The following PUDP variants were observed in gnomAD, a reference collection of about 807,000 sequenced individuals.
The protein encoded by PUDP is pseudouridine-5'-phosphatase.
In PUDP, 8 loss-of-function variants were observed where a neutral mutation model predicts 9.4. The observed-to-expected ratio is 0.85, with a 90% CI of 0.50 to 1.53. The LOEUF (loss-of-function observed/expected upper bound fraction) is 1.53. Among genes scored for constraint, PUDP ranks in the 40% most tolerant of loss-of-function variants. The pLI is 0.00. For synonymous variants in PUDP, 99 were observed against 80.7 expected, an observed-to-expected ratio of 1.23 and a Z score of -1.22; for missense variants, 188 against 189.7, an observed-to-expected ratio of 0.99 and a Z score of 0.05.
chrX:7,125,675 C>CT (rs1243968968), intron 1 of PUDP, among the ~76,000 whole-genome samples: 1 of 111,876 alleles, frequency 8.9e-6, no homozygotes, highest in African/African-American at 3.2e-5. Flanking sequence ...GAAAAAGAGG[C>CT]TTAATGGACT....
At chrX:6,950,252 C>T (rs1273133486) in intron 3 of PUDP, among the ~76,000 whole-genome samples, 2 of 99,616 alleles carry the variant, frequency 2.0e-5, no homozygotes, top group Non-Finnish European at 4.0e-5. Flanking sequence ...GCAGGAGAAC[C>T]ACTTGAACCA....
At chrX:7,048,338 CT>C (rs1234176894), downstream of PUDP, among the ~76,000 whole-genome samples, 1 of 112,391 alleles carries the variant, frequency 8.9e-6, no homozygotes, top group Non-Finnish European at 1.9e-5. Context: ...TATAATTACT[CT>C]TTAAACTTCC....
intron 3 of PUDP, among the ~76,000 whole-genome samples, chrX:7,072,352 A>G (rs1244940484): frequency 8.9e-6 from 1 of 112,368 alleles, no homozygotes; most frequent in Non-Finnish European, 1.9e-5. Flanking sequence ...TGGCAAAATG[A>G]GTCTACTCTA....
At chrX:6,714,164 TTACAGGTGTGAGCCATCA>T (rs1340485528) in intron 1 of PUDP, among the ~76,000 whole-genome samples, 1 of 111,873 alleles carries the variant, frequency 8.9e-6, no homozygotes, top group Non-Finnish European at 1.9e-5. Context: ...AGTGCTGGGA[TTACAGGTGTGAGCCATCA>T]TACCCAGCCT....
chrX:6,792,985 T>A (rs1324700728), intron 3 of PUDP, among the ~76,000 whole-genome samples: 1 of 112,830 alleles, frequency 8.9e-6, no homozygotes, highest in African/African-American at 3.2e-5. Flanking sequence ...AATGTAACTG[T>A]CTCAGTCTGT....
At chrX:6,969,868 G>A (rs934803043) in intron 3 of PUDP, among the ~76,000 whole-genome samples, 1 of 112,006 alleles carries the variant, frequency 8.9e-6, no homozygotes, top group Non-Finnish European at 1.9e-5. Flanking sequence ...CATAGAGCAA[G>A]ACCCAGTCTC....
At chrX:6,921,759 G>A (rs751302603) in intron 3 of PUDP, among the ~76,000 whole-genome samples, 1 of 109,589 alleles carries the variant, frequency 9.1e-6, no homozygotes, top group South Asian at 4.0e-4. Flanking sequence ...TTTACCCAAA[G>A]AGAACCCTCC....
At chrX:6,925,332 C>T (rs1428203474) in intron 3 of PUDP, among the ~76,000 whole-genome samples, 1 of 111,699 alleles carries the variant, frequency 9.0e-6, no homozygotes, top group Non-Finnish European at 1.9e-5. Context: ...TGTGTCTTCC[C>T]TCTTCAAAGC....
intron 3 of PUDP, among the ~76,000 whole-genome samples, chrX:6,876,003 T>A (rs770372453): frequency 6.2e-4 from 70 of 112,474 alleles, no homozygotes; most frequent in South Asian, 1.5e-3. Context: ...CAAATTGTAT[T>A]ATGTTTAAGC....
intron 3 of PUDP, among the ~76,000 whole-genome samples, chrX:6,929,977 C>T (rs1467670331): frequency 9.0e-6 from 1 of 111,222 alleles, no homozygotes; most frequent in Non-Finnish European, 1.9e-5. Flanking sequence ...ACATCTCCTT[C>T]TGCACCAGGC....
chrX:7,039,417 G>A (rs900775737), intron 1 of PUDP, among the ~76,000 whole-genome samples: 1 of 112,142 alleles, frequency 8.9e-6, no homozygotes, highest in African/African-American at 3.2e-5. Context: ...CTAACACCCA[G>A]TACCCGGAAT....
chrX:6,850,856 A>C (rs889063489), intron 3 of PUDP, among the ~76,000 whole-genome samples: 2 of 112,053 alleles, frequency 1.8e-5, no homozygotes, highest in Non-Finnish European at 3.8e-5. Context: ...TAACCCAACA[A>C]CCCAATGTAG....
chrX:7,099,726 A>C (rs1377307826), intron 2 of PUDP, among the ~76,000 whole-genome samples: 3 of 112,064 alleles, frequency 2.7e-5, no homozygotes, highest in Non-Finnish European at 5.6e-5. Context: ...ATGACCAGGC[A>C]GACTCACCTC....
Position 7,006,622 on chromosome X carries a change from C to T in PUDP, c.205-28279G>A, listed in dbSNP as rs757560317. ...CACTAATGCTGGGCCATTGATTTCA[C>T]GAGAAGTTGTATGAGGTATTAGAAT... On this transcript the variant is annotated intron_variant and NMD_transcript_variant, in intron 1 of 3. Coordinates refer to the PUDP transcript ENST00000655425. Among the ~76,000 whole-genome samples the T allele has an allele frequency of 4.5e-5, 5 of 110,609 alleles. No individual in the cohort carries two copies. The East Asian group carries it at 8.6e-4, about 19-fold the overall frequency.
rs189082454 is a variant in PUDP, at chrX:6,995,495, A to G, written c.205-17152T>C. Among the ~76,000 whole-genome samples the G allele has an allele frequency of 7.3e-4, 82 of 111,664 alleles. 1 individual carries two copies. The East Asian group carries it at 0.017, about 23-fold the overall frequency. ...TTTCAGCACTTTCAGAGACCAAGAC[A>G]TGAAGATTGCTTGAGTCCAGGAGTT... On this transcript the variant is annotated intron_variant and NMD_transcript_variant, in intron 1 of 3. Transcript: ENST00000655425.
intron 1 of PUDP, among the ~76,000 whole-genome samples, chrX:7,018,417 C>T (rs1929582454): frequency 8.9e-6 from 1 of 111,868 alleles, no homozygotes; most frequent in Non-Finnish European, 1.9e-5. Flanking sequence ...CTTTCATGAC[C>T]AGCACACCTT....
intron 3 of PUDP, among the ~76,000 whole-genome samples, chrX:7,066,004 A>C (rs1459631688): frequency 8.9e-6 from 1 of 112,603 alleles, no homozygotes; most frequent in Non-Finnish European, 1.9e-5. Flanking sequence ...AATAATTACT[A>C]GTTAAAAGCT....
chrX:6,939,427 A>G (rs1341237429), intron 3 of PUDP, among the ~76,000 whole-genome samples: 1 of 107,909 alleles, frequency 9.3e-6, no homozygotes, highest in East Asian at 2.8e-4. Flanking sequence ...TAATAGATAC[A>G]TTATTTTGTG....
At chrX:6,944,752 T>G (rs1420266086) in intron 3 of PUDP, among the ~76,000 whole-genome samples, 2 of 111,315 alleles carry the variant, frequency 1.8e-5, no homozygotes, top group Admixed American at 9.6e-5. Flanking sequence ...TCCACTGGCA[T>G]GTAGACCTCA....
Sources: allele counts gnomAD v4.1 joint callset (sites outside exome capture counted in the v4.1 genomes callset), GRCh38; gene constraint gnomAD v4.1.1; transcripts MANE v1.5; gene names NCBI Gene and HGNC (gene_info 2026-07-23, HGNC 2026-07-21).